MAP3K19: variants seen among roughly 807,000 people sequenced by gnomAD.
MAP3K19 encodes the protein mitogen-activated protein kinase kinase kinase 19, also known as SPS1/STE20-related protein kinase YSK4.
A neutral mutation model predicts 114.4 loss-of-function variants in MAP3K19; 91 were observed. The ratio of observed to expected loss-of-function variants is 0.80; its 90% CI spans 0.67 to 0.95. The LOEUF (loss-of-function observed/expected upper bound fraction) is 0.95, where lower values mean the gene tolerates loss of function less well. Ranked by LOEUF, MAP3K19 falls within the 40% of genes least tolerant of loss-of-function variation. MAP3K19 has a pLI of 0.00. For synonymous variants in MAP3K19, 518 were observed against 530.5 expected (o/e 0.98, Z 0.32); for missense variants, 1,471 against 1,573.2 (o/e 0.94, Z 1.10).
intron 9 of MAP3K19, among the ~76,000 whole-genome samples, chr2:134,988,971 T>C (rs1685369014): frequency 6.6e-6 from 1 of 152,188 alleles, no homozygotes; most frequent in Non-Finnish European, 1.5e-5. Context: ...TTACCAGTTA[T>C]TGACTAACTC....
intron 12 of MAP3K19, among the ~76,000 whole-genome samples, chr2:134,970,545 G>A (rs907506679): frequency 4.6e-5 from 7 of 150,590 alleles, no homozygotes; most frequent in South Asian, 2.1e-4. Flanking sequence ...ATAAGATCAC[G>A]TCATCTGCAA....
At chr2:135,025,377 C>CTTTTTTTTTTT (rs754598942) in intron 3 of MAP3K19, among the ~76,000 whole-genome samples, 8 of 69,534 alleles carry the variant, frequency 1.2e-4, no homozygotes, top group Non-Finnish European at 1.7e-4. Context: ...CTTTTCTTTT[C>CTTTTTTTTTTT]TTTTTTTTTT....
chr2:135,040,916 T>C (rs1221970216), intron 1 of MAP3K19, among the ~76,000 whole-genome samples: 1 of 152,184 alleles, frequency 6.6e-6, no homozygotes, highest in East Asian at 1.9e-4. Flanking sequence ...ACCACGACCA[T>C]ATGGCTTATC....
At chr2:134,968,316 C>T (rs970742795) in intron 12 of MAP3K19, among the ~76,000 whole-genome samples, 2 of 151,614 alleles carry the variant, frequency 1.3e-5, no homozygotes, top group African/African-American at 2.4e-5. Context: ...ACCTTTCCCC[C>T]GTTTCTATTC....
At chr2:134,984,170 G>T (rs1301518257) in intron 10 of MAP3K19, among the ~76,000 whole-genome samples, 1 of 152,098 alleles carries the variant, frequency 6.6e-6, no homozygotes, top group East Asian at 1.9e-4. Flanking sequence ...GAATATGTTA[G>T]TGTGTGCCAT....
chr2:134,988,464 C>T (rs191542182), intron 9 of MAP3K19, among the ~76,000 whole-genome samples: 25 of 152,246 alleles, frequency 1.6e-4, no homozygotes, highest in African/African-American at 5.5e-4. Flanking sequence ...AATCACAGCT[C>T]ATTGCAGCCT....
chr2:135,033,691 G>C lies in MAP3K19; in HGVS notation c.-283-3191C>G, dbSNP rs1239927521. 1.5e-4 allele frequency among the ~76,000 whole-genome samples: 13 copies of C among 84,024 alleles called. 2 individuals are homozygous for C. The South Asian group carries it at 5.4e-3, about 35-fold the overall frequency. The allele number at this position is 84,024 out of a possible 152,430, so 55.1% of individuals were successfully genotyped here. On this transcript the variant is annotated intron_variant, in intron 2 of 12. Coordinates refer to ENST00000392915, the MANE Select transcript of MAP3K19 (RefSeq NM_025052.5). ...CCACCCCCCGGACGGGCGGCCGGCC[G>C]GGGGGGCTAACCCCCCCCACCTCCC...
rs2105240623 is a variant in MAP3K19, at chr2:134,988,158, A to C, written c.714T>G (p.Ile238Met). The C allele has an allele frequency of 1.2e-6, 2 of 1,613,824 alleles. No homozygotes were observed. Among genetic ancestry groups the C allele is most frequent in the Non-Finnish European group, 1.7e-6 (2 of 1,179,906 alleles). ...HKFPKEKERN[I>M]PSLTSFVPKL... The stretch of plus-strand genomic sequence containing the variant: ...TAGGCACAAAAGATGTGAGACTTGG[A>C]ATGTTTCTTTCTTTTTCTTTTGGAA... The change falls in exon 10 of 13, where the codon ATT (isoleucine) becomes ATG (methionine). Residue 238 changes from isoleucine to methionine, a missense_variant. Physicochemically the swap from Ile to Met is conservative, Grantham distance 10 (BLOSUM62 1). Transcript: ENST00000392915.
chr2:134,999,810 A>G lies in MAP3K19; in HGVS notation c.314+127T>C, dbSNP rs2105293989. The G allele has an allele frequency of 1.5e-6, 1 of 681,484 alleles. No individual in the cohort carries two copies. Among genetic ancestry groups the G allele is most frequent in the East Asian group, 2.7e-5 (1 of 36,626 alleles). 42.2% of individuals were successfully genotyped at this position (681,484 alleles called of 1,614,324 possible). ...GTTTATGATCTGGCCTCTGCCACAT[A>G]CTATTTATTGTGACCTCTACTTTTA... On this transcript the variant is annotated intron_variant, in intron 7 of 12. Transcript: ENST00000392915. This position sits in a 1 kb window ranked among gnomAD's most constrained non-coding sequence, Gnocchi z 4.1.
At chr2:134,976,813 A>C (rs1684265470) in intron 12 of MAP3K19, among the ~76,000 whole-genome samples, 1 of 151,166 alleles carries the variant, frequency 6.6e-6, no homozygotes, top group South Asian at 2.1e-4. Flanking sequence ...TTGGGAGGCT[A>C]AGGTGGGTGG....
intron 12 of MAP3K19, among the ~76,000 whole-genome samples, chr2:134,971,619 C>T (rs1440773738): frequency 6.6e-6 from 1 of 152,088 alleles, no homozygotes; most frequent in African/African-American, 2.4e-5. Context: ...TTGGTCTGTT[C>T]AGGTTCTCTA....
At chr2:134,996,271 C>CTTTTTTTTTTTT in intron 8 of MAP3K19, among the ~76,000 whole-genome samples, 1 of 125,818 alleles carries the variant, frequency 7.9e-6, no homozygotes, top group Admixed American at 8.2e-5. Context: ...CTTCTTATTT[C>CTTTTTTTTTTTT]TTTTTTTTTT....
At chr2:134,968,513 C>T (rs1179739468) in intron 12 of MAP3K19, among the ~76,000 whole-genome samples, 852 of 119,182 alleles carry the variant, frequency 7.1e-3, no homozygotes, top group Middle Eastern at 0.024. Context: ...CCCTCCCGGA[C>T]GGGGTGGCTG....
chr2:134,970,822 T>C lies in MAP3K19; in HGVS notation c.3921-5906A>G, dbSNP rs564866716. On this transcript the variant is annotated intron_variant, in intron 12 of 12. Transcript: ENST00000392915. Reference sequence around the variant, plus strand: ...CTGTGTTAGCCAGGATGGTCTCGATTTTCTGACCTCATGATCTGCCTGCCT... The same window carrying C: ...CTGTGTTAGCCAGGATGGTCTCGATCTTCTGACCTCATGATCTGCCTGCCT... Among the ~76,000 whole-genome samples, 670 of 152,166 alleles carry C rather than the reference T, an allele frequency of 4.4e-3. 3 individuals carry two copies. The highest frequency in any genetic ancestry group is 0.016 in the African/African-American group (646 of 41,498).
chr2:134,984,455 T>C (rs1370436497), intron 10 of MAP3K19, among the ~76,000 whole-genome samples: 1 of 152,002 alleles, frequency 6.6e-6, no homozygotes, highest in African/African-American at 2.4e-5. Context: ...CCAGATCATA[T>C]ATAAAAATAG....
intron 11 of MAP3K19, 49 bp downstream of exon 11, chr2:134,983,626 GA>G: frequency 8.3e-7 from 1 of 1,198,860 alleles, no homozygotes; most frequent in Non-Finnish European, 1.1e-6. Flanking sequence ...TGGAGGGAGG[GA>G]CTGTGGGGGG....
intron 11 of MAP3K19, among the ~76,000 whole-genome samples, chr2:134,982,113 C>CTTTTTTTTTTTT (rs35219224): frequency 2.5e-4 from 19 of 76,316 alleles, no homozygotes; most frequent in South Asian, 4.9e-4. Flanking sequence ...CTTTTTCTTT[C>CTTTTTTTTTTTT]TTTTTTTTTT....
At chr2:134,973,024 T>G (rs1296427594) in intron 12 of MAP3K19, among the ~76,000 whole-genome samples, 7 of 152,324 alleles carry the variant, frequency 4.6e-5, no homozygotes, top group Middle Eastern at 3.4e-3. Context: ...TTTTAAAAAT[T>G]TGTTGAAACT....
At chr2:134,974,052 A>G (rs1368549440) in intron 12 of MAP3K19, among the ~76,000 whole-genome samples, 1 of 152,058 alleles carries the variant, frequency 6.6e-6, no homozygotes, top group Non-Finnish European at 1.5e-5. Flanking sequence ...CCCAGGCTAG[A>G]GTGCAAAGGC....
Sources: allele counts gnomAD v4.1 joint callset (sites outside exome capture counted in the v4.1 genomes callset), GRCh38; gene constraint gnomAD v4.1.1; non-coding constraint Gnocchi (gnomAD v3.1); transcripts MANE v1.5; gene names NCBI Gene and HGNC (gene_info 2026-07-23, HGNC 2026-07-21).